The following UGT1A8 variants were observed in gnomAD, a reference collection of about 807,000 sequenced individuals.
The protein encoded by UGT1A8 is UDP-glucuronosyltransferase 1A8.
In UGT1A8, 39 loss-of-function variants were observed where a neutral mutation model predicts 45.3. The ratio of observed to expected loss-of-function variants is 0.86; its 90% confidence interval spans 0.67 to 1.12. The LOEUF (loss-of-function observed/expected upper bound fraction) is 1.12, where lower values mean the gene tolerates loss of function less well. UGT1A8 is among the 50% of genes most tolerant of loss of function. The pLI is 0.00. For synonymous variants in UGT1A8, 275 were observed against 249.2 expected, an observed-to-expected ratio of 1.10 and a Z score of -0.97; for missense variants, 719 against 664.9, an observed-to-expected ratio of 1.08 and a Z score of -0.90.
At chr2:233,658,925 G>C (rs2073910412) in intron 1 of UGT1A8, among the ~76,000 whole-genome samples, 1 of 151,996 alleles carries the variant, frequency 6.6e-6, no homozygotes. Context: ...TGCTATTGTA[G>C]GTTTTCTACA....
Position 233,724,632 on chromosome 2 carries a change from A to G in UGT1A8, c.856-42402A>G, listed in dbSNP as rs1200392360. On this transcript the variant is annotated intron_variant, in intron 1 of 4. Transcript: ENST00000373450. ...CGGGCAGAGACGCTCCTCACTTCCT[A>G]GATGTGATGGCGGCTGGGAAGAGGC... Among the ~76,000 whole-genome samples, 15 of 136,662 alleles carry G rather than the reference A, an allele frequency of 1.1e-4. 1 individual carries two copies. Among genetic ancestry groups the G allele is most frequent in the Non-Finnish European group, 2.0e-4 (13 of 64,126 alleles). 89.7% of individuals were successfully genotyped at this position (136,662 alleles called of 152,430 possible).
In UGT1A8 at chr2:233,772,515, A is replaced by G. The variant is rs553499095; in HGVS notation, c.1549A>G (p.Lys517Glu). The change falls in exon 5 of 5, where the codon AAA becomes GAA. Residue 517 changes from lysine to glutamate, a missense_variant. Transcript: ENST00000373450. ...CAYGYRKCLGKKGRVKKAHKS... is the reference protein window; with the variant it reads ...CAYGYRKCLGEKGRVKKAHKS... ...TTATGGCTACCGGAAATGCTTGGGG[A>G]AAAAAGGGCGAGTTAAGAAAGCCCA... is the stretch of plus-strand genomic sequence containing the variant. 82 of 1,614,158 alleles carry G rather than the reference A, an allele frequency of 5.1e-5. No individual in the cohort carries two copies. Among genetic ancestry groups the G allele is most frequent in the Non-Finnish European group, 6.4e-5 (75 of 1,180,028 alleles).
rs1041496963 is a variant in UGT1A8, at chr2:233,755,204, C to T, written c.856-11830C>T. On this transcript the variant is annotated intron_variant, in intron 1 of 4. Coordinates refer to ENST00000373450, the MANE Select transcript of UGT1A8 (RefSeq NM_019076.5). ...GCCACTTGAGCGCCAGCTTGCGGTA[C>T]GCCTTCTTGATACCCTCGGACGAGG... The T allele has an allele frequency of 2.6e-4, 287 of 1,089,324 alleles. 1 individual carries two copies. Among genetic ancestry groups the T allele is most frequent in the Non-Finnish European group, 3.4e-4 (263 of 769,354 alleles). 67.5% of individuals were successfully genotyped at this position (1,089,324 alleles called of 1,614,324 possible).
At chr2:233,720,032 C>T (rs1386441803) in intron 1 of UGT1A8, among the ~76,000 whole-genome samples, 2 of 152,104 alleles carry the variant, frequency 1.3e-5, no homozygotes, top group Middle Eastern at 3.2e-3. Context: ...TTTTGCTTGC[C>T]TGATTTTCAG....
intron 1 of UGT1A8, among the ~76,000 whole-genome samples, chr2:233,623,084 T>C (rs970900544): frequency 6.6e-6 from 1 of 152,208 alleles, no homozygotes; most frequent in South Asian, 2.1e-4. Context: ...CATTGGTCTA[T>C]ATATCTGTCT....
chr2:233,683,583 G>T (rs553617968), intron 1 of UGT1A8, among the ~76,000 whole-genome samples: 1 of 152,172 alleles, frequency 6.6e-6, no homozygotes, highest in South Asian at 2.1e-4. Context: ...TCCTACTCAA[G>T]AATATGAATC....
At chr2:233,748,119 A>G (rs1693871947) in intron 1 of UGT1A8, 2 of 1,611,514 alleles carry the variant, frequency 1.2e-6, no homozygotes, top group Admixed American at 1.7e-5. Flanking sequence ...GTTCCAGGCA[A>G]AACAGTTTTT....
chr2:233,761,244 C>A lies in UGT1A8; in HGVS notation c.856-5790C>A, dbSNP rs555483711. 5.0e-6 allele frequency: 8 copies of A among 1,610,826 alleles called. No homozygotes were observed. In the African/African-American group the frequency reaches 1.1e-4, roughly 21 times the overall value. On this transcript the variant is annotated intron_variant, in intron 1 of 4. Transcript: ENST00000373450. ...TAGCCCCAGATATATGCTGAGCAAG[C>A]ATTCTGAGATAATTTAAAATGCCCT...
At chr2:233,630,316 G>T (rs558298640) in intron 1 of UGT1A8, among the ~76,000 whole-genome samples, 1 of 152,078 alleles carries the variant, frequency 6.6e-6, no homozygotes, top group South Asian at 2.1e-4. Context: ...GCCATCTTGT[G>T]CTCCTACAAG....
Position 233,769,607 on chromosome 2 carries a change from C to T in UGT1A8, c.1295+1168C>T. On this transcript the variant is annotated intron_variant, in intron 4 of 4. Transcript: ENST00000373450. The surrounding 1 kb of genome is among the most constrained non-coding windows in gnomAD (Gnocchi z 4.4). ...TGAGAGGAGACGGAACACGGGGACA[C>T]ACCAGCTTGAGCAAGGGACAACAGG... 6.2e-7 allele frequency: 1 copy of T among 1,612,808 alleles called. No individual in the cohort carries two copies. The highest frequency in any genetic ancestry group is 1.1e-5 in the South Asian group (1 of 91,046).
chr2:233,732,874 G>C lies in UGT1A8; in HGVS notation c.856-34160G>C, dbSNP rs1220552637. On this transcript the variant is annotated intron_variant, in intron 1 of 4. Transcript: ENST00000373450. Reference sequence around the variant, plus strand: ...AGTCATTGGTAGCTTGATGGGTTTGGCATTGAATCTATAAATTACCTTGGG... The same window carrying C: ...AGTCATTGGTAGCTTGATGGGTTTGCCATTGAATCTATAAATTACCTTGGG... 6.6e-5 allele frequency among the ~76,000 whole-genome samples: 10 copies of C among 151,784 alleles called. No individual in the cohort carries two copies. The East Asian group carries it at 1.9e-3, about 29-fold the overall frequency.
chr2:233,669,832 C>A (rs2074146116), intron 1 of UGT1A8, among the ~76,000 whole-genome samples: 1 of 152,036 alleles, frequency 6.6e-6, no homozygotes, highest in Non-Finnish European at 1.5e-5. Flanking sequence ...TACAGGCATG[C>A]ACCACCACCT....
rs150454866 is a variant in UGT1A8 at position 233,672,715 on chromosome 2, T to C, written c.855+54153T>C. 4.4e-5 allele frequency: 71 copies of C among 1,613,982 alleles called. No individual in the cohort carries two copies. In the African/African-American group the frequency reaches 9.1e-4, roughly 21 times the overall value. On this transcript the variant is annotated intron_variant, in intron 1 of 4. Coordinates refer to ENST00000373450, the MANE Select transcript of UGT1A8 (RefSeq NM_019076.5). ...GTTGCGAACGGACTTTGTTTTGGAC[T>C]ATCCCAAACCCGTGATGCCCAACAT...
At chr2:233,621,676 A>G (rs1038003597) in intron 1 of UGT1A8, among the ~76,000 whole-genome samples, 2 of 152,188 alleles carry the variant, frequency 1.3e-5, no homozygotes, top group Admixed American at 6.6e-5. Flanking sequence ...GAACTGATTC[A>G]TCTATCCCTT....
chr2:233,678,255 A>G (rs112602572), intron 1 of UGT1A8, among the ~76,000 whole-genome samples: 120 of 152,360 alleles, frequency 7.9e-4, no homozygotes, highest in African/African-American at 2.9e-3. Context: ...CCCAAACATC[A>G]GCATCACACA....
At chr2:233,666,608 A>T (rs1012242182) in intron 1 of UGT1A8, among the ~76,000 whole-genome samples, 24 of 152,000 alleles carry the variant, frequency 1.6e-4, no homozygotes, top group Non-Finnish European at 3.1e-4. Context: ...TGTTTTTTTT[A>T]AAGTAAACTC....
At chr2:233,690,618 A>G (rs2074999985) in intron 1 of UGT1A8, 6 of 1,288,652 alleles carry the variant, frequency 4.7e-6, no homozygotes, top group Non-Finnish European at 6.1e-6. Flanking sequence ...TTGCCTGGAC[A>G]CTCAAGTGAT....
At chr2:233,653,654 T>TGGTG (rs972396171) in intron 1 of UGT1A8, among the ~76,000 whole-genome samples, 2 of 152,202 alleles carry the variant, frequency 1.3e-5, no homozygotes, top group African/African-American at 4.8e-5. Flanking sequence ...TGGAGTGCAG[T>TGGTG]GGTGCGATCT....
intron 1 of UGT1A8, among the ~76,000 whole-genome samples, chr2:233,665,687 T>C (rs1457386735): frequency 6.6e-6 from 1 of 152,116 alleles, no homozygotes; most frequent in Admixed American, 6.5e-5. Context: ...CCCAGGGAGG[T>C]GCACTGCATC....
Sources: gnomAD v4.1 joint callset for allele counts (sites outside exome capture counted in the v4.1 genomes callset) on GRCh38, gnomAD v4.1.1 for gene constraint, Gnocchi (gnomAD v3.1) non-coding constraint, MANE v1.5 for transcripts, NCBI Gene and HGNC (gene_info 2026-07-23, HGNC 2026-07-21) for gene names.